Variants in PTPRR observed in about 807,000 individuals in gnomAD.
PTPRR encodes protein tyrosine phosphatase receptor type R, also known as receptor-type tyrosine-protein phosphatase R.
A neutral mutation model predicts 77.2 loss-of-function variants in PTPRR; 38 were observed. That is an observed-to-expected ratio of 0.49 (90% CI 0.38 to 0.65). The LOEUF (loss-of-function observed/expected upper bound fraction) is 0.65, where lower values mean the gene tolerates loss of function less well. Among genes scored for constraint, PTPRR ranks in the 30% least tolerant of loss-of-function variants. PTPRR has a pLI of 0.00. For synonymous variants in PTPRR, 299 were observed against 283.1 expected, an observed-to-expected ratio of 1.06 and a Z score of -0.57; for missense variants, 744 against 799.2, an observed-to-expected ratio of 0.93 and a Z score of 0.83.
intron 2 of PTPRR, among the ~76,000 whole-genome samples, chr12:70,823,174 C>T (rs1229805667): frequency 1.3e-5 from 2 of 148,512 alleles, no homozygotes; most frequent in African/African-American, 5.0e-5. Context: ...GTTTTTCTTT[C>T]TGAAATAACA....
chr12:70,905,899 T>C (rs1016621093), intron 1 of PTPRR, among the ~76,000 whole-genome samples: 1 of 152,030 alleles, frequency 6.6e-6, no homozygotes, highest in Non-Finnish European at 1.5e-5. Context: ...ATTGTTTTGT[T>C]AGGAATGTTA....
chr12:70,696,751 T>C (rs1888247075), intron 8 of PTPRR, among the ~76,000 whole-genome samples: 1 of 152,088 alleles, frequency 6.6e-6, no homozygotes, highest in African/African-American at 2.4e-5. Flanking sequence ...TAAATACAGG[T>C]CCTTTAGCAG....
At chr12:70,878,670 A>G (rs1893095411) in intron 2 of PTPRR, among the ~76,000 whole-genome samples, 2 of 152,242 alleles carry the variant, frequency 1.3e-5, no homozygotes, top group Admixed American at 1.3e-4. Flanking sequence ...AAACTAGTTC[A>G]ACCACTGTGG....
intron 2 of PTPRR, among the ~76,000 whole-genome samples, chr12:70,788,386 C>T (rs1891365191): frequency 6.6e-6 from 1 of 152,186 alleles, no homozygotes. Context: ...TGAATTAACC[C>T]ACTGTAACCC....
chr12:70,654,266 T>G (rs1886496641), intron 13 of PTPRR, among the ~76,000 whole-genome samples: 1 of 152,006 alleles, frequency 6.6e-6, no homozygotes, highest in Admixed American at 6.5e-5. Context: ...GCATATTTGT[T>G]GAAAAAAAAA....
At chr12:70,869,254 G>C (rs954808149) in intron 2 of PTPRR, among the ~76,000 whole-genome samples, 1 of 151,898 alleles carries the variant, frequency 6.6e-6, no homozygotes, top group Non-Finnish European at 1.5e-5. Context: ...AAGAAAAAAG[G>C]CTCACTGAGG....
intron 2 of PTPRR, among the ~76,000 whole-genome samples, chr12:70,885,822 C>T (rs1338183305): frequency 6.6e-6 from 1 of 152,158 alleles, no homozygotes; most frequent in Non-Finnish European, 1.5e-5. Context: ...TGAGCCACCA[C>T]GCCTGGCTGG....
chr12:70,804,603 T>C lies in PTPRR; in HGVS notation c.358-39825A>G, dbSNP rs945313464. ...TAATTAAATAAGAAGTAAACTTACC[T>C]ACATCTTCATAGAAATACTATACCA... On this transcript the variant is annotated intron_variant, in intron 2 of 13. Coordinates refer to ENST00000283228, the MANE Select transcript of PTPRR (RefSeq NM_002849.4). 2.6e-5 allele frequency among the ~76,000 whole-genome samples: 4 copies of C among 152,066 alleles called. No homozygotes were observed. In the East Asian group the frequency reaches 7.7e-4, roughly 29 times the overall value.
intron 6 of PTPRR, among the ~76,000 whole-genome samples, chr12:70,741,940 T>C (rs771361634): frequency 2.6e-5 from 4 of 152,046 alleles, no homozygotes; most frequent in Non-Finnish European, 5.9e-5. Context: ...TGGGGTAGAA[T>C]AGTGAGATGA....
chr12:70,762,154 C>G (rs1238186506), intron 3 of PTPRR, among the ~76,000 whole-genome samples: 1 of 152,148 alleles, frequency 6.6e-6, no homozygotes, highest in African/African-American at 2.4e-5. Context: ...AAATATGTCA[C>G]ACATTTAAAA....
At chr12:70,869,175 A>G (rs1892917670) in intron 2 of PTPRR, among the ~76,000 whole-genome samples, 2 of 152,134 alleles carry the variant, frequency 1.3e-5, no homozygotes, top group East Asian at 3.8e-4. Flanking sequence ...CCTAAAACTT[A>G]AAGTATAATA....
At chr12:70,731,953 T>C (rs1298827595) in intron 6 of PTPRR, among the ~76,000 whole-genome samples, 1 of 152,212 alleles carries the variant, frequency 6.6e-6, no homozygotes, top group African/African-American at 2.4e-5. Context: ...TCTGTATTTT[T>C]CTATGTATCG....
intron 2 of PTPRR, among the ~76,000 whole-genome samples, chr12:70,851,555 A>G (rs1179185558): frequency 6.6e-6 from 1 of 152,132 alleles, no homozygotes; most frequent in Non-Finnish European, 1.5e-5. Context: ...GCAATCTGAA[A>G]ACAGAGAGAA....
At chr12:70,836,844 A>T (rs1892312672) in intron 2 of PTPRR, among the ~76,000 whole-genome samples, 1 of 152,044 alleles carries the variant, frequency 6.6e-6, no homozygotes. Flanking sequence ...ACACATTCAG[A>T]GAATGTTATT....
At chr12:70,766,121 AG>A (rs1380012796) in intron 2 of PTPRR, among the ~76,000 whole-genome samples, 7 of 152,224 alleles carry the variant, frequency 4.6e-5, no homozygotes, top group African/African-American at 1.7e-4. Flanking sequence ...CCTCCTCCAA[AG>A]GAACACAGCT....
intron 2 of PTPRR, among the ~76,000 whole-genome samples, chr12:70,846,256 C>A (rs1215485426): frequency 6.6e-6 from 1 of 152,046 alleles, no homozygotes; most frequent in Non-Finnish European, 1.5e-5. Flanking sequence ...TAGGTTCATT[C>A]AAAGACTAGA....
At chr12:70,754,652 T>C (rs1890514506) in intron 4 of PTPRR, 1 of 1,597,730 alleles carries the variant, frequency 6.3e-7, no homozygotes, top group African/African-American at 1.3e-5. Context: ...TTCCTTACTC[T>C]GTTTTAAGTC....
At chr12:70,887,357 CAGG>C in intron 2 of PTPRR, among the ~76,000 whole-genome samples, 1 of 152,102 alleles carries the variant, frequency 6.6e-6, no homozygotes, top group East Asian at 1.9e-4. Flanking sequence ...GAGGCTGAGG[CAGG>C]AGAATTGCTT....
At chr12:70,733,427 C>CA (rs764791536) in intron 6 of PTPRR, among the ~76,000 whole-genome samples, 334 of 27,032 alleles carry the variant, frequency 0.012, 8 homozygotes, top group African/African-American at 0.035. Context: ...CAAACAACAA[C>CA]AAAAAAAAAA....
Sources: gnomAD v4.1 joint callset for allele counts (sites outside exome capture counted in the v4.1 genomes callset) on GRCh38, gnomAD v4.1.1 for gene constraint, MANE v1.5 for transcripts, NCBI Gene and HGNC (gene_info 2026-07-23, HGNC 2026-07-21) for gene names.